ZNF695: variants seen among roughly 807,000 people sequenced by gnomAD.
The protein encoded by ZNF695 is zinc finger protein SBZF3.
Under a neutral mutation model 11.2 loss-of-function variants are expected in ZNF695, and 11 were observed. That is an observed-to-expected ratio of 0.98 (90% confidence interval 0.62 to 1.62). The LOEUF (loss-of-function observed/expected upper bound fraction) is 1.62. Among genes scored for constraint, ZNF695 ranks in the 40% most tolerant of loss-of-function variants. ZNF695 has a pLI of 0.00. For synonymous variants in ZNF695, 190 were observed against 201.4 expected, an observed-to-expected ratio of 0.94 and a Z score of 0.48; for missense variants, 559 against 590.5, an observed-to-expected ratio of 0.95 and a Z score of 0.55.
intron 4 of ZNF695, among the ~76,000 whole-genome samples, chr1:246,971,945 A>G (rs1005626311): frequency 1.3e-5 from 2 of 152,056 alleles, no homozygotes; most frequent in African/African-American, 4.8e-5. Flanking sequence ...GTTCAAGGCC[A>G]GGCTGGTCTT....
intron 4 of ZNF695, among the ~76,000 whole-genome samples, chr1:246,976,729 G>A (rs1391086914): frequency 1.3e-5 from 2 of 152,166 alleles, no homozygotes; most frequent in Non-Finnish European, 2.9e-5. Context: ...GGGAGGCAGA[G>A]CTTGCAGTGT....
intron 5 of ZNF695, among the ~76,000 whole-genome samples, chr1:246,963,855 A>C (rs1424611639): frequency 6.6e-6 from 1 of 152,106 alleles, no homozygotes; most frequent in Non-Finnish European, 1.5e-5. Flanking sequence ...TTAGTCCCAC[A>C]AGACTGCCCC....
rs751208885 is a variant in ZNF695, at chr1:246,986,767, A to G, written c.*200T>C. 9.9e-6 allele frequency: 13 copies of G among 1,318,592 alleles called. No homozygotes were observed. Among genetic ancestry groups the G allele is most frequent in the African/African-American group, 6.0e-5 (4 of 67,186 alleles). 81.7% of individuals were successfully genotyped at this position (1,318,592 alleles called of 1,614,324 possible). A position where few individuals can be genotyped will look rare whatever the true frequency, so the allele number is the denominator to read the frequency against. ...TTCTGTGTACAGTAAGAGCTGTGAT[A>G]TAAGTGGAGGTGTTGAACCGGTCTA... is the stretch of plus-strand genomic sequence containing the variant. On this transcript the variant is annotated 3_prime_UTR_variant, in exon 4 of 4. Coordinates refer to ENST00000339986, the MANE Select transcript of ZNF695 (RefSeq NM_020394.5).
chr1:246,982,751 T>G (rs957458894), downstream of ZNF695, among the ~76,000 whole-genome samples: 8 of 152,050 alleles, frequency 5.3e-5, no homozygotes, highest in African/African-American at 1.9e-4. Context: ...GGCGGGCAGA[T>G]TACGAAGTCA....
chr1:246,976,410 T>C (rs1471100553), intron 4 of ZNF695, among the ~76,000 whole-genome samples: 4 of 152,236 alleles, frequency 2.6e-5, no homozygotes, highest in Non-Finnish European at 4.4e-5. Flanking sequence ...TAAATCCTTT[T>C]GAGGCATTCA....
rs1420903613 is a variant in ZNF695 at position 246,987,608 on chromosome 1, T to A, written c.907A>T (p.Lys303Ter). 1 of 1,602,680 alleles carries A rather than the reference T, an allele frequency of 6.2e-7. No homozygotes were observed. The change falls in exon 4 of 4, where the codon AAA becomes TAA. Residue 303 changes from lysine to a stop codon, truncating the protein, a stop_gained. Transcript: ENST00000339986. LOFTEE classifies it low-confidence loss of function (END_TRUNC). Reference protein sequence around the residue: ...EKPYKCEECGKSFKLFPYLTQ... With the variant: ...EKPYKCEECG ...AGGTATGGGAACAACTTAAAGGATT[T>A]GCCACATTCTTCACATTTGTATGGT... is the stretch of plus-strand genomic sequence containing the variant.
At position 246,987,142 on chromosome 1, in the gene ZNF695, T is replaced by G; in HGVS notation, c.1373A>C (p.His458Pro). 6.2e-7 allele frequency: 1 copy of G among 1,614,100 alleles called. No individual in the cohort carries two copies. Among genetic ancestry groups the G allele is most frequent in the Non-Finnish European group, 8.5e-7 (1 of 1,179,998 alleles). Residue 458 changes from histidine to proline, a missense_variant, in exon 4 of 4, where the codon CAT becomes CCT. Coordinates refer to ENST00000339986, the MANE Select transcript of ZNF695 (RefSeq NM_020394.5). ...ACATTTGTAGGGTTTCTCTCCAGTA[T>G]GAATTCTCTTATGATTAGTAAGATA... ...FSYLTNHKRI[H>P]TGEKPYKCEE...
At chr1:246,947,564 T>G (rs560463704) in intron 5 of ZNF695, among the ~76,000 whole-genome samples, 1 of 152,076 alleles carries the variant, frequency 6.6e-6, no homozygotes, top group South Asian at 2.1e-4. Context: ...CAGATTTGGG[T>G]TTTTGCTGAT....
intron 5 of ZNF695, among the ~76,000 whole-genome samples, chr1:246,957,243 C>T (rs1160240223): frequency 1.3e-5 from 2 of 151,868 alleles, no homozygotes; most frequent in African/African-American, 2.4e-5. Flanking sequence ...ATTAGCTGGG[C>T]GTGGTGGTGC....
At chr1:247,004,452 A>G (rs2103034528) in intron 1 of ZNF695, among the ~76,000 whole-genome samples, 2 of 152,316 alleles carry the variant, frequency 1.3e-5, no homozygotes, top group East Asian at 3.9e-4. Flanking sequence ...CATACACAGT[A>G]AAATCATACA....
Position 246,985,394 on chromosome 1 carries a change from G to C in ZNF695, c.*1573C>G. Reference sequence around the variant, plus strand: ...ACTGTCATTACAAAAAGAGCAAACAGAATGAAGGTGTAACGTGTGGGAACA... The same window carrying C: ...ACTGTCATTACAAAAAGAGCAAACACAATGAAGGTGTAACGTGTGGGAACA... On this transcript the variant is annotated 3_prime_UTR_variant, in exon 4 of 4. Transcript: ENST00000339986. 1.0e-6 allele frequency: 1 copy of C among 985,258 alleles called. No individual in the cohort carries two copies. The highest frequency in any genetic ancestry group is 1.2e-6 in the Non-Finnish European group (1 of 829,864). The allele number at this position is 985,258 out of a possible 1,614,324, so 61.0% of individuals were successfully genotyped here.
intron 1 of ZNF695, among the ~76,000 whole-genome samples, chr1:247,007,115 G>C (rs1318084025): frequency 1.3e-5 from 2 of 152,156 alleles, no homozygotes; most frequent in African/African-American, 4.8e-5. Context: ...TTCAAGTTTA[G>C]CCCCAAACCA....
chr1:247,006,235 GA>G (rs57859895), intron 1 of ZNF695, among the ~76,000 whole-genome samples: 2,688 of 81,786 alleles, frequency 0.033, 28 homozygotes, highest in Non-Finnish European at 0.047. Flanking sequence ...AAAAAAAAAA[GA>G]AAAAAAAAAA....
At chr1:247,000,173 G>T in intron 1 of ZNF695, 99 bp from the exon 2 acceptor site, 2 of 968,016 alleles carry the variant, frequency 2.1e-6, no homozygotes, top group Non-Finnish European at 3.0e-6. Context: ...TGACTTATAT[G>T]AGTGACTAGA....
rs572940994 is a variant in ZNF695, at chr1:246,987,455, A to G, written c.1060T>C (p.Cys354Arg). The G allele has an allele frequency of 5.6e-6, 9 of 1,611,624 alleles. No homozygotes were observed. The highest frequency in any genetic ancestry group is 2.2e-5 in the East Asian group (1 of 44,864). ...TTAAAGGCTTTTCCACATTCTTCAC[A>G]TCGGAAGGTTTTCTCTCCAGTATGA... ...RIHTGEKTFR[C>R]EECGKAFNQS... is the part of the protein sequence containing the mutation. The change falls in exon 4 of 4, where the codon TGT becomes CGT. Residue 354 changes from cysteine (C) to arginine (R), a missense_variant. Cys to Arg is a radical substitution (Grantham distance 180). Coordinates refer to ENST00000339986, the MANE Select transcript of ZNF695 (RefSeq NM_020394.5).
In ZNF695 at chr1:246,952,108, C is replaced by T. The variant is rs1216651054; in HGVS notation, c.489-6281G>A. ...GGACTACAGTCGTATGTTACCACAT[C>T]TGGCTAATTTTTGTATTTTTAGTAG... is the stretch of plus-strand genomic sequence containing the variant. On this transcript the variant is annotated intron_variant, in intron 5 of 5. Transcript: ENST00000487338. Among the ~76,000 whole-genome samples the T allele has an allele frequency of 2.6e-5, 4 of 152,082 alleles. No homozygotes were observed. The East Asian group carries it at 7.7e-4, about 29-fold the overall frequency.
intron 5 of ZNF695, among the ~76,000 whole-genome samples, chr1:246,951,158 A>T (rs1667861927): frequency 6.6e-6 from 1 of 151,746 alleles, no homozygotes; most frequent in Admixed American, 6.6e-5. Flanking sequence ...TCATCATTAT[A>T]AAAATCACCC....
At chr1:246,980,713 C>A (rs562013401), downstream of ZNF695, among the ~76,000 whole-genome samples, 10 of 152,178 alleles carry the variant, frequency 6.6e-5, 1 homozygote, top group South Asian at 1.9e-3. Context: ...CCACCGCACC[C>A]GGCCGAGTTT....
At chr1:246,989,429 G>GT (rs1668959762) in intron 3 of ZNF695, among the ~76,000 whole-genome samples, 1 of 152,184 alleles carries the variant, frequency 6.6e-6, no homozygotes, top group African/African-American at 2.4e-5. Context: ...TGCAAAGAGT[G>GT]TTAGGTTCTT....
Sources: allele counts gnomAD v4.1 joint callset (sites outside exome capture counted in the v4.1 genomes callset), GRCh38; gene constraint gnomAD v4.1.1; transcripts MANE v1.5; gene names NCBI Gene and HGNC (gene_info 2026-07-23, HGNC 2026-07-21).